VDAC1: variants seen among roughly 807,000 people sequenced by gnomAD.
VDAC1 encodes non-selective voltage-gated ion channel VDAC1.
VDAC1 carries 10 observed loss-of-function variants against 34.7 expected under a neutral mutation model. The observed-to-expected ratio is 0.29, with a 90% CI of 0.18 to 0.49. The LOEUF (loss-of-function observed/expected upper bound fraction) is 0.49, where lower values mean the gene tolerates loss of function less well. Ranked by LOEUF, VDAC1 falls within the 20% of genes least tolerant of loss-of-function variation. The probability of loss-of-function intolerance (pLI) is 0.99; values close to 1 mark genes in which losing one functional copy is unlikely to be tolerated. For synonymous variants in VDAC1, 130 were observed against 136.0 expected (o/e 0.96, Z 0.30); for missense variants, 230 against 347.9 (o/e 0.66, Z 2.69).
At chr5:134,087,341 G>C in the VDAC1 span, among the ~76,000 whole-genome samples, 49 of 152,000 alleles carry the variant, frequency 3.2e-4, no homozygotes, top group Non-Finnish European at 5.4e-4. Context: ...TGAAAGGTCC[G>C]GGGAAGAGCC....
chr5:134,043,796 G>T, the VDAC1 span, among the ~76,000 whole-genome samples: 2 of 152,144 alleles, frequency 1.3e-5, no homozygotes, highest in Admixed American at 6.5e-5. Context: ...GCCTCTCAAA[G>T]TGCTGGGACT....
chr5:134,018,526 A>G, the VDAC1 span, among the ~76,000 whole-genome samples: 1 of 152,266 alleles, frequency 6.6e-6, no homozygotes, highest in South Asian at 2.1e-4. Flanking sequence ...GCCAGAAACA[A>G]TGGACTCACA....
At chr5:134,051,668 GTTT>G in the VDAC1 span, among the ~76,000 whole-genome samples, 1 of 141,364 alleles carries the variant, frequency 7.1e-6, no homozygotes. Flanking sequence ...TGGGCAGTTT[GTTT>G]TTTTTTTTTT....
the VDAC1 span, among the ~76,000 whole-genome samples, chr5:134,016,769 G>A: frequency 2.0e-5 from 3 of 152,244 alleles, no homozygotes; most frequent in African/African-American, 7.2e-5. Context: ...TGCCAGCCTG[G>A]TAGAGCTGCA....
chr5:134,104,319 G>A, the VDAC1 span, among the ~76,000 whole-genome samples: 1 of 152,220 alleles, frequency 6.6e-6, no homozygotes, highest in African/African-American at 2.4e-5. Context: ...ACACTCAGTG[G>A]GTGCAGGGGT....
the VDAC1 span, among the ~76,000 whole-genome samples, chr5:134,057,525 ATATCTATATCTATAT>A: frequency 6.7e-6 from 1 of 148,950 alleles, no homozygotes; most frequent in African/African-American, 2.5e-5. Context: ...ATCTATATCT[ATATCTATATCTATAT>A]AAGCCAAGTG....
At chr5:134,003,990 C>T (rs1753659630) in intron 1 of VDAC1, among the ~76,000 whole-genome samples, 1 of 152,274 alleles carries the variant, frequency 6.6e-6, no homozygotes, top group African/African-American at 2.4e-5. Flanking sequence ...CCCCGTGGGG[C>T]CTCCTTTTCC....
the VDAC1 span, among the ~76,000 whole-genome samples, chr5:134,047,102 T>C: frequency 6.6e-6 from 1 of 152,120 alleles, no homozygotes; most frequent in Non-Finnish European, 1.5e-5. Flanking sequence ...TTGACCTTTC[T>C]CCTGCCCCTC....
intron 5 of VDAC1, among the ~76,000 whole-genome samples, chr5:133,985,276 C>T (rs996700457): frequency 6.6e-6 from 1 of 152,212 alleles, no homozygotes; most frequent in Admixed American, 6.5e-5. Context: ...GAAACTTATG[C>T]CTTGGAACCT....
chr5:133,972,959 TATC>T (rs1752354533), intron 8 of VDAC1, 97 bp from the exon 9 acceptor site: 1 of 1,037,602 alleles, frequency 9.6e-7, no homozygotes, highest in Admixed American at 2.0e-5. Flanking sequence ...TTCCAGGTAT[TATC>T]AGCAGGGTCC....
At chr5:134,113,956 G>C in the VDAC1 span, among the ~76,000 whole-genome samples, 1 of 152,182 alleles carries the variant, frequency 6.6e-6, no homozygotes, top group East Asian at 1.9e-4. Flanking sequence ...TCTAGTCACG[G>C]AACCGAGTTG....
the VDAC1 span, among the ~76,000 whole-genome samples, chr5:134,089,802 C>T: frequency 6.6e-6 from 1 of 152,062 alleles, no homozygotes; most frequent in Non-Finnish European, 1.5e-5. Flanking sequence ...CCAGCCTGGC[C>T]AACATGGTGA....
chr5:134,109,770 C>CAAAAAAAAAAAAAAAAAAAAAAAA, the VDAC1 span, among the ~76,000 whole-genome samples: 12 of 140,312 alleles, frequency 8.6e-5, no homozygotes, highest in African/African-American at 2.8e-4. Context: ...GGCTCCATCT[C>CAAAAAAAAAAAAAAAAAAAAAAAA]AAAAAAAAAA....
At chr5:134,111,269 A>T in the VDAC1 span, among the ~76,000 whole-genome samples, 1 of 152,270 alleles carries the variant, frequency 6.6e-6, no homozygotes, top group African/African-American at 2.4e-5. Flanking sequence ...GTCCTGACTT[A>T]GTCCTGTTTC....
At chr5:134,060,267 C>T in the VDAC1 span, among the ~76,000 whole-genome samples, 4 of 151,982 alleles carry the variant, frequency 2.6e-5, no homozygotes, top group Admixed American at 2.0e-4. Context: ...CACGTTGATG[C>T]GCTGCACGCA....
chr5:134,083,301 G>A, the VDAC1 span, among the ~76,000 whole-genome samples: 1 of 150,446 alleles, frequency 6.6e-6, no homozygotes, highest in Non-Finnish European at 1.5e-5. Context: ...CGATTCTCGT[G>A]CCTCAGCCTC....
rs190924487 is a variant in VDAC1, at chr5:133,993,733, G to C, written c.-6-715C>G. On this transcript the variant is annotated intron_variant, in intron 1 of 8. Coordinates refer to ENST00000265333, the MANE Select transcript of VDAC1 (RefSeq NM_003374.3). The stretch of plus-strand genomic sequence containing the variant: ...TTATTTTTAAAACCAACCATCAAAG[G>C]ACTACTTGGGATTGCTGCATATCAC... Among the ~76,000 whole-genome samples, 289 of 152,198 alleles carry C rather than the reference G, an allele frequency of 1.9e-3. 3 individuals are homozygous for C. Among genetic ancestry groups the C allele is most frequent in the Admixed American group, 8.7e-3 (133 of 15,290 alleles).
At chr5:134,041,755 G>A in the VDAC1 span, among the ~76,000 whole-genome samples, 2 of 152,120 alleles carry the variant, frequency 1.3e-5, no homozygotes, top group Non-Finnish European at 2.9e-5. Context: ...GCCCCATGAG[G>A]AGCCCCCAGC....
At chr5:134,036,248 G>A in the VDAC1 span, among the ~76,000 whole-genome samples, 1 of 152,222 alleles carries the variant, frequency 6.6e-6, no homozygotes, top group Admixed American at 6.5e-5. Flanking sequence ...AATAACACCT[G>A]AAAGGAGGCA....
Sources: allele counts gnomAD v4.1 joint callset (sites outside exome capture counted in the v4.1 genomes callset), GRCh38; gene constraint gnomAD v4.1.1; transcripts MANE v1.5; gene names NCBI Gene and HGNC (gene_info 2026-07-23, HGNC 2026-07-21).